The following CRADD variants were observed in gnomAD, a reference collection of about 807,000 sequenced individuals.
CRADD encodes CARD and death domain containing adaptor protein.
In CRADD, 9 loss-of-function variants were observed where a neutral mutation model predicts 15.5. The observed-to-expected ratio is 0.58, with a 90% CI of 0.35 to 1.01. CRADD has a LOEUF of 1.01. CRADD is among the 50% of genes least tolerant of loss of function. The pLI is 0.02. For missense variants in CRADD, 227 were observed against 250.3 expected (o/e 0.91, Z 0.63); for synonymous variants, 118 against 107.6 (o/e 1.10, Z -0.60).
intron 2 of CRADD, among the ~76,000 whole-genome samples, chr12:93,884,562 G>A (rs539450970): frequency 3.9e-5 from 6 of 152,308 alleles, no homozygotes; most frequent in African/African-American, 1.4e-4. Context: ...AATTTGCAGC[G>A]AGGAGGAACC....
At chr12:93,737,966 C>T (rs1314183079) in intron 2 of CRADD, 3 of 326,708 alleles carry the variant, frequency 9.2e-6, no homozygotes, top group African/African-American at 6.4e-5. Flanking sequence ...AAATAAAGCT[C>T]ATTATATAAA....
chr12:93,714,012 A>C (rs1243858824), intron 2 of CRADD, among the ~76,000 whole-genome samples: 1 of 152,218 alleles, frequency 6.6e-6, no homozygotes, highest in Non-Finnish European at 1.5e-5. Flanking sequence ...AGCTGCCTTC[A>C]GCTCTTTGGA....
At chr12:93,688,118 G>A (rs1039740827) in intron 2 of CRADD, among the ~76,000 whole-genome samples, 1 of 152,184 alleles carries the variant, frequency 6.6e-6, no homozygotes, top group African/African-American at 2.4e-5. Context: ...GAAGAGAGAA[G>A]GAGAGACAAA....
intron 2 of CRADD, among the ~76,000 whole-genome samples, chr12:93,718,057 T>C (rs1956193830): frequency 6.6e-6 from 1 of 152,212 alleles, no homozygotes; most frequent in South Asian, 2.1e-4. Context: ...TCTACCGATA[T>C]CACACTCTCT....
chr12:93,740,270 A>C (rs1956646363), intron 2 of CRADD, among the ~76,000 whole-genome samples: 1 of 152,174 alleles, frequency 6.6e-6, no homozygotes, highest in Non-Finnish European at 1.5e-5. Flanking sequence ...AGCTGAAATG[A>C]GATAGTGAAG....
chr12:93,893,598 G>A (rs1188961611), intron 2 of CRADD, among the ~76,000 whole-genome samples: 1 of 152,168 alleles, frequency 6.6e-6, no homozygotes, highest in African/African-American at 2.4e-5. Flanking sequence ...TTCAAAGGGA[G>A]CCATGTTCTT....
At chr12:93,884,446 C>T (rs935837754) in intron 2 of CRADD, among the ~76,000 whole-genome samples, 2 of 152,212 alleles carry the variant, frequency 1.3e-5, no homozygotes. Flanking sequence ...GCTGAAAAAC[C>T]GTACTGCTGG....
At chr12:93,705,004 T>G (rs1955915598) in intron 2 of CRADD, among the ~76,000 whole-genome samples, 2 of 152,260 alleles carry the variant, frequency 1.3e-5, no homozygotes, top group Non-Finnish European at 2.9e-5. Flanking sequence ...AGTCACTTTC[T>G]GCAACATTAT....
intron 2 of CRADD, among the ~76,000 whole-genome samples, chr12:93,761,484 CGTT>C (rs1281227005): frequency 1.3e-5 from 2 of 152,012 alleles, no homozygotes; most frequent in Non-Finnish European, 2.9e-5. Flanking sequence ...AAGGATGACT[CGTT>C]GTTTGGGGAC....
intron 2 of CRADD, among the ~76,000 whole-genome samples, chr12:93,781,799 A>G (rs1443019749): frequency 2.0e-5 from 3 of 152,248 alleles, no homozygotes; most frequent in Non-Finnish European, 4.4e-5. Flanking sequence ...AGATCAGCCA[A>G]TGCCTGAATG....
chr12:93,807,538 T>C (rs920094718), intron 2 of CRADD, among the ~76,000 whole-genome samples: 1 of 152,260 alleles, frequency 6.6e-6, no homozygotes. Context: ...CTAGGCACTG[T>C]CCTAGGTACC....
At chr12:93,864,337 A>C (rs1383611208) in intron 2 of CRADD, among the ~76,000 whole-genome samples, 1 of 152,164 alleles carries the variant, frequency 6.6e-6, no homozygotes, top group Non-Finnish European at 1.5e-5. Context: ...TACAGACATG[A>C]GCCACCGTGC....
chr12:93,768,397 G>A (rs1957047739), intron 2 of CRADD, among the ~76,000 whole-genome samples: 1 of 151,882 alleles, frequency 6.6e-6, no homozygotes, highest in South Asian at 2.1e-4. Context: ...TTATGGATAT[G>A]ATTTATGCAG....
In CRADD at chr12:93,788,274, G is replaced by T. The variant is rs115242292; in HGVS notation, c.299-61696G>T. ...AGAGAATGAGTACCCAGCGAAGGGA[G>T]AAACCTCTTATAAAACCATCAGATC... On this transcript the variant is annotated intron_variant, in intron 2 of 2. Transcript: ENST00000332896. Among the ~76,000 whole-genome samples, 915 of 152,282 alleles carry T rather than the reference G, an allele frequency of 6.0e-3. 10 individuals are homozygous for T. The highest frequency in any genetic ancestry group is 0.021 in the African/African-American group (875 of 41,578).
chr12:93,796,774 AGT>A (rs1251993296), intron 2 of CRADD, among the ~76,000 whole-genome samples: 1 of 152,134 alleles, frequency 6.6e-6, no homozygotes, highest in Non-Finnish European at 1.5e-5. Flanking sequence ...ATGGTTAATG[AGT>A]CTCTTTGACA....
intron 2 of CRADD, among the ~76,000 whole-genome samples, chr12:93,682,460 C>T (rs548491379): frequency 1.2e-4 from 19 of 152,256 alleles, no homozygotes; most frequent in African/African-American, 4.6e-4. Context: ...TCTTTTTTAG[C>T]CAAGACGTTG....
chr12:93,787,321 T>G (rs919774265), intron 2 of CRADD, among the ~76,000 whole-genome samples: 2 of 150,348 alleles, frequency 1.3e-5, no homozygotes, highest in East Asian at 1.9e-4. Context: ...TTTTTTTTTT[T>G]TTTTTTTTTA....
At chr12:93,776,443 A>G (rs996326430) in intron 2 of CRADD, among the ~76,000 whole-genome samples, 1 of 152,244 alleles carries the variant, frequency 6.6e-6, no homozygotes, top group Non-Finnish European at 1.5e-5. Flanking sequence ...ATTGTCCTCC[A>G]GAAAGGCAGT....
chr12:93,736,740 T>C (rs1336682369), intron 2 of CRADD, among the ~76,000 whole-genome samples: 1 of 152,228 alleles, frequency 6.6e-6, no homozygotes, highest in African/African-American at 2.4e-5. Context: ...CTTCTGAATG[T>C]AGAGCAAGAG....
Sources: allele counts gnomAD v4.1 joint callset (sites outside exome capture counted in the v4.1 genomes callset), GRCh38; gene constraint gnomAD v4.1.1; transcripts MANE v1.5; gene names NCBI Gene and HGNC (gene_info 2026-07-23, HGNC 2026-07-21).